BCL7B: variants seen among roughly 807,000 people sequenced by gnomAD.
The protein encoded by BCL7B is B-cell CLL/lymphoma 7 protein family member B.
In BCL7B, 11 loss-of-function variants were observed where a neutral mutation model predicts 26.5. The ratio of observed to expected loss-of-function variants is 0.42; its 90% CI spans 0.26 to 0.69. BCL7B has a LOEUF of 0.69. Among genes scored for constraint, BCL7B ranks in the 30% least tolerant of loss-of-function variants. The pLI, the probability that BCL7B is intolerant of heterozygous loss-of-function variation, is 0.28. For missense variants in BCL7B, 215 were observed against 264.4 expected (o/e 0.81, Z 1.30); for synonymous variants, 111 against 107.9 (o/e 1.03, Z -0.18).
chr7:73,541,995 C>T (rs1583988480), intron 3 of BCL7B, among the ~76,000 whole-genome samples: 1 of 152,190 alleles, frequency 6.6e-6, no homozygotes. Flanking sequence ...AACACAGCCC[C>T]GACATCACTT....
intron 3 of BCL7B, 54 bp downstream of exon 3, chr7:73,543,494 G>T: frequency 1.3e-6 from 2 of 1,509,306 alleles, no homozygotes; most frequent in Admixed American, 1.7e-5. Context: ...TCTTATTAAT[G>T]CATTCATCCA....
chr7:73,552,208 G>C lies in BCL7B; in HGVS notation c.127C>G (p.Leu43Val). The change falls in exon 2 of 6, where the codon CTG becomes GTG. Residue 43 changes from leucine (L) to valine (V), a missense_variant. Leu to Val is a conservative substitution (Grantham distance 32). Coordinates refer to ENST00000223368, the MANE Select transcript of BCL7B (RefSeq NM_001707.4). Reference sequence around the variant, plus strand: ...ACAGGAACCCACTTAAATATCCTCAGGGACGTGTCACCCACAGTCACCCAC... The same window carrying C: ...ACAGGAACCCACTTAAATATCCTCACGGACGTGTCACCCACAGTCACCCAC... ...KKWVTVGDTS[L>V]RIFKWVPVTD... The C allele has an allele frequency of 1.2e-6, 2 of 1,610,784 alleles. No homozygotes were observed. The highest frequency in any genetic ancestry group is 1.7e-6 in the Non-Finnish European group (2 of 1,179,186).
At chr7:73,550,351 A>G (rs1554583969) in intron 2 of BCL7B, among the ~76,000 whole-genome samples, 1 of 152,024 alleles carries the variant, frequency 6.6e-6, no homozygotes, top group Non-Finnish European at 1.5e-5. Context: ...TTTGGGACCA[A>G]CCTGGCCAAC....
At chr7:73,539,408 C>G (rs555418380) in intron 4 of BCL7B, among the ~76,000 whole-genome samples, 4 of 151,864 alleles carry the variant, frequency 2.6e-5, no homozygotes, top group South Asian at 2.1e-4. Flanking sequence ...CATGCCACCA[C>G]GCCCAACTAA....
intron 2 of BCL7B, 43 bp downstream of exon 2, chr7:73,552,124 G>T (rs2115814577): frequency 4.8e-4 from 626 of 1,294,928 alleles, no homozygotes; most frequent in Non-Finnish European, 6.2e-4. Flanking sequence ...ATCAAATAAA[G>T]AAATAAAGAA....
intron 2 of BCL7B, among the ~76,000 whole-genome samples, chr7:73,547,686 A>G (rs1369430988): frequency 6.6e-6 from 1 of 152,246 alleles, no homozygotes; most frequent in Non-Finnish European, 1.5e-5. Flanking sequence ...ATATACAGGT[A>G]AAATCATCAA....
chr7:73,537,085 A>AGC lies in BCL7B; in HGVS notation c.*211_*212dup. Reference sequence around the variant, plus strand: ...CAACTTGGGGTGCAAAAAAGACATGAGCGCTCCTCTTCTCGGGAGCAAGTA... The same window carrying AGC: ...CAACTTGGGGTGCAAAAAAGACATGAGCGCGCTCCTCTTCTCGGGAGCAAGTA... On this transcript the variant is annotated 3_prime_UTR_variant, in exon 6 of 6. Transcript: ENST00000223368. 1 of 462,670 alleles carries AGC rather than the reference A, an allele frequency of 2.2e-6. No homozygotes were observed. The highest frequency in any genetic ancestry group is 3.9e-6 in the Non-Finnish European group (1 of 256,300). The allele number at this position is 462,670 out of a possible 1,614,324, so 28.7% of individuals were successfully genotyped here.
intron 2 of BCL7B, chr7:73,543,885 A>G (rs1006291131): frequency 4.5e-6 from 2 of 444,054 alleles, no homozygotes; most frequent in Non-Finnish European, 8.3e-6. Flanking sequence ...ACAGGCAGAT[A>G]CATACACTTC....
At chr7:73,542,681 G>A (rs1266581789) in intron 3 of BCL7B, 3 of 186,086 alleles carry the variant, frequency 1.6e-5, no homozygotes, top group African/African-American at 4.6e-5. Context: ...GCAGTATCAT[G>A]ACTACGGTGA....
intron 2 of BCL7B, among the ~76,000 whole-genome samples, chr7:73,550,717 G>A (rs771822857): frequency 2.0e-5 from 3 of 151,194 alleles, no homozygotes; most frequent in Non-Finnish European, 4.4e-5. Flanking sequence ...GAGTGCAGTG[G>A]TGCGATCTCG....
intron 4 of BCL7B, among the ~76,000 whole-genome samples, chr7:73,538,626 G>A (rs953763069): frequency 2.6e-5 from 4 of 151,830 alleles, no homozygotes; most frequent in Non-Finnish European, 4.4e-5. Context: ...ACCAGCCTGG[G>A]CAACATAGTG....
intron 2 of BCL7B, among the ~76,000 whole-genome samples, chr7:73,545,019 C>T (rs1044212374): frequency 2.6e-5 from 4 of 151,684 alleles, no homozygotes; most frequent in African/African-American, 9.7e-5. Context: ...TGACTGTGCA[C>T]TCCAACCTGG....
In BCL7B at chr7:73,542,695, T is replaced by C. The variant is rs1201848195; in HGVS notation, c.265+853A>G. On this transcript the variant is annotated intron_variant, in intron 3 of 5. Transcript: ENST00000223368. ...GGCAGTATCATGACTACGGTGATGA[T>C]CCGGCGGGATTGGTTTAGGAGGCAG... is the stretch of plus-strand genomic sequence containing the variant. 3.6e-5 allele frequency: 7 copies of C among 195,820 alleles called. No individual in the cohort carries two copies. The Admixed American group carries it at 3.7e-4, about 10-fold the overall frequency. The allele number at this position is 195,820 out of a possible 1,614,324, so 12.1% of individuals were successfully genotyped here.
At chr7:73,546,001 G>A (rs1392749160) in intron 2 of BCL7B, among the ~76,000 whole-genome samples, 2 of 151,910 alleles carry the variant, frequency 1.3e-5, no homozygotes, top group South Asian at 2.1e-4. Context: ...GCGTGGTGGC[G>A]GGTGCCTGTA....
At chr7:73,552,443 G>A (rs1554584266) in intron 1 of BCL7B, among the ~76,000 whole-genome samples, 1 of 151,786 alleles carries the variant, frequency 6.6e-6, no homozygotes, top group East Asian at 1.9e-4. Flanking sequence ...AGCCTAGGAG[G>A]TTGAGAACAG....
chr7:73,557,440 GCCTGGA>G (rs1792417604), intron 1 of BCL7B, 41 bp downstream of exon 1: 1 of 1,290,426 alleles, frequency 7.7e-7, no homozygotes, highest in African/African-American at 1.6e-5. Context: ...GCTCCTCAGG[GCCTGGA>G]TCCGCGACCC....
At chr7:73,548,635 TA>T (rs1170172353) in intron 2 of BCL7B, among the ~76,000 whole-genome samples, 2 of 148,728 alleles carry the variant, frequency 1.3e-5, no homozygotes, top group Non-Finnish European at 3.0e-5. Context: ...ATAATAATAA[TA>T]AAAAAAGGAG....
chr7:73,548,182 C>T (rs902298921), intron 2 of BCL7B, among the ~76,000 whole-genome samples: 2 of 152,006 alleles, frequency 1.3e-5, no homozygotes, highest in African/African-American at 4.8e-5. Flanking sequence ...GTAATCCCAG[C>T]ACTTCGGAAG....
At chr7:73,550,660 T>C (rs1352934422) in intron 2 of BCL7B, among the ~76,000 whole-genome samples, 4 of 151,222 alleles carry the variant, frequency 2.6e-5, no homozygotes, top group African/African-American at 9.7e-5. Context: ...TTTTTGTTTG[T>C]TTGTTTGGTT....
Sources: gnomAD v4.1 joint callset for allele counts (sites outside exome capture counted in the v4.1 genomes callset) on GRCh38, gnomAD v4.1.1 for gene constraint, MANE v1.5 for transcripts, NCBI Gene and HGNC (gene_info 2026-07-23, HGNC 2026-07-21) for gene names.